The following ENOSF1 variants were observed in gnomAD, a reference collection of about 807,000 sequenced individuals.
ENOSF1 encodes the protein mitochondrial enolase superfamily member 1.
In ENOSF1, 73 loss-of-function variants were observed where a neutral mutation model predicts 68.2. The observed-to-expected ratio is 1.07, with a 90% CI of 0.89 to 1.30. The LOEUF is 1.30. Among genes scored for constraint, ENOSF1 ranks in the 50% most tolerant of loss-of-function variants. ENOSF1 has a pLI of 0.00. For missense variants in ENOSF1, 589 were observed against 554.5 expected (o/e 1.06, Z -0.62); for synonymous variants, 223 against 210.4 (o/e 1.06, Z -0.52).
Position 691,247 on chromosome 18 carries a change from A to G in ENOSF1, c.453T>C (p.Asp151=). 6.2e-7 allele frequency: 1 copy of G among 1,614,184 alleles called. No homozygotes were observed. Among genetic ancestry groups the G allele is most frequent in the Non-Finnish European group, 8.5e-7 (1 of 1,180,008 alleles). Residue 151 remains aspartate (D), a synonymous_variant, in exon 6 of 16, where the codon GAT becomes GAC. Coordinates refer to ENST00000647584, the MANE Select transcript of ENOSF1 (RefSeq NM_017512.7). ...TCAGGACATCAGTGATGTACCTGAA[A>G]TCTATGCAGGATACCAGCATCCTGG... ...MDPRMLVSCI[D]FRYITDVLTE...
chr18:667,752 G>GGTAA (rs1233057915), downstream of ENOSF1: 4 of 152,198 alleles, frequency 2.6e-5, no homozygotes, highest in Non-Finnish European at 4.4e-5. Flanking sequence ...TACTTGTGCA[G>GGTAA]GTAAGTGTTC....
At chr18:704,652 C>A (rs2078742060) in intron 2 of ENOSF1, among the ~76,000 whole-genome samples, 1 of 142,518 alleles carries the variant, frequency 7.0e-6, no homozygotes, top group South Asian at 2.3e-4. Context: ...TTCACCCAGG[C>A]TGGAGTGCAG....
chr18:681,065 T>C lies in ENOSF1; in HGVS notation c.876+2181A>G, dbSNP rs1008888791. ...TTAGTAGAGACGAGGTTTCACCATGTTGGCCAGGCTGGTCTCAAACTCCTG... is the reference window on the plus strand; with the variant it reads ...TTAGTAGAGACGAGGTTTCACCATGCTGGCCAGGCTGGTCTCAAACTCCTG... On this transcript the variant is annotated intron_variant, in intron 11 of 15. Transcript: ENST00000647584. Among the ~76,000 whole-genome samples, 3 of 152,292 alleles carry C rather than the reference T, an allele frequency of 2.0e-5. No individual in the cohort carries two copies. The East Asian group carries it at 5.8e-4, about 29-fold the overall frequency.
chr18:701,145 T>A (rs980538334), intron 2 of ENOSF1, among the ~76,000 whole-genome samples: 1 of 152,170 alleles, frequency 6.6e-6, no homozygotes, highest in South Asian at 2.1e-4. Context: ...GCTGGATTTT[T>A]AAAAATTTTG....
intron 1 of ENOSF1, among the ~76,000 whole-genome samples, chr18:710,840 T>C (rs1232297575): frequency 1.3e-5 from 2 of 152,250 alleles, no homozygotes; most frequent in African/African-American, 4.8e-5. Flanking sequence ...GCAAAGGCAG[T>C]TGCATGAGAT....
At chr18:712,222 G>T in intron 1 of ENOSF1, 2 of 1,482,672 alleles carry the variant, frequency 1.3e-6, no homozygotes, top group Non-Finnish European at 9.1e-7. Flanking sequence ...ATTGCTCCAA[G>T]GCATGAAAAG....
chr18:712,291 A>G, intron 1 of ENOSF1: 2 of 1,526,572 alleles, frequency 1.3e-6, no homozygotes, highest in Non-Finnish European at 8.7e-7. Context: ...CGAAGTCGGG[A>G]AGCTGCCCGG....
intron 8 of ENOSF1, 86 bp downstream of exon 8, chr18:690,463 C>T: frequency 1.4e-6 from 2 of 1,445,240 alleles, no homozygotes; most frequent in Non-Finnish European, 9.7e-7. Context: ...AAGTGAGGTA[C>T]TGAGAGTAGT....
chr18:679,470 A>T (rs1598548372), intron 11 of ENOSF1, among the ~76,000 whole-genome samples: 1 of 151,636 alleles, frequency 6.6e-6, no homozygotes, highest in African/African-American at 2.4e-5. Context: ...CGGCCTCCCA[A>T]AGTGTTGGGA....
At chr18:690,838 C>T in intron 7 of ENOSF1, 1 of 1,424,884 alleles carries the variant, frequency 7.0e-7, no homozygotes, top group Non-Finnish European at 9.3e-7. Flanking sequence ...CAGGGCTCTC[C>T]CTACAGTGTA....
At chr18:667,388 TGATGGA>T (rs1372827062), downstream of ENOSF1, among the ~76,000 whole-genome samples, 7 of 15,496 alleles carry the variant, frequency 4.5e-4, 1 homozygote, top group Non-Finnish European at 6.1e-4. Context: ...ATGGTGATGG[TGATGGA>T]GATGGTGATG....
At chr18:668,855 C>T (rs2144333376), downstream of ENOSF1, among the ~76,000 whole-genome samples, 1 of 152,180 alleles carries the variant, frequency 6.6e-6, no homozygotes, top group African/African-American at 2.4e-5. Context: ...AGGAAAAAGA[C>T]TTTGTTAGGG....
chr18:670,130 A>G (rs35914751), downstream of ENOSF1, among the ~76,000 whole-genome samples: 1 of 148,908 alleles, frequency 6.7e-6, no homozygotes, highest in African/African-American at 2.5e-5. Context: ...GGCAACCTCC[A>G]TCTCCCAGGT....
downstream of ENOSF1, chr18:668,989 C>A: frequency 8.6e-7 from 1 of 1,159,798 alleles, no homozygotes; most frequent in Non-Finnish European, 1.3e-6. Flanking sequence ...GGGTAAGAGA[C>A]TGTAATAGAT....
At position 688,601 on chromosome 18, in the gene ENOSF1, GCA is replaced by G; in HGVS notation, c.624_625del (p.Ala209ProfsTer11). On this transcript the variant is annotated frameshift_variant, in exon 9 of 16. Coordinates refer to ENST00000647584, the MANE Select transcript of ENOSF1 (RefSeq NM_017512.7). LOFTEE classifies it high-confidence loss of function. ...GGTCCAGCCATCCTTCAGCGCCTGG[GCA>G]CAGAGCTGTGGGAAAGGAGCACAGG... The G allele has an allele frequency of 6.2e-7, 1 of 1,614,030 alleles. No individual in the cohort carries two copies. The highest frequency in any genetic ancestry group is 1.1e-5 in the South Asian group (1 of 91,080).
intron 2 of ENOSF1, among the ~76,000 whole-genome samples, chr18:704,004 T>C (rs1482242802): frequency 2.0e-5 from 3 of 152,134 alleles, no homozygotes; most frequent in African/African-American, 4.8e-5. Flanking sequence ...TCTACCATGA[T>C]TGTAAGTGTC....
chr18:697,005 T>C (rs984945415), intron 3 of ENOSF1, among the ~76,000 whole-genome samples: 1 of 152,000 alleles, frequency 6.6e-6, no homozygotes, highest in Non-Finnish European at 1.5e-5. Context: ...TAGTCCCAGC[T>C]ACTCAGGAGG....
Position 691,082 on chromosome 18 carries a change from C to A in ENOSF1, c.521G>T (p.Gly174Val), listed in dbSNP as rs2077109870. 1 of 1,614,052 alleles carries A rather than the reference C, an allele frequency of 6.2e-7. No individual in the cohort carries two copies. The highest frequency in any genetic ancestry group is 8.5e-7 in the Non-Finnish European group (1 of 1,180,028). Residue 174 changes from glycine to valine, a missense_variant, in exon 7 of 16, where the codon GGT (glycine) becomes GTT (valine). Physicochemically the swap from Gly to Val is moderately radical, Grantham distance 109 (BLOSUM62 -3). Coordinates refer to ENST00000647584, the MANE Select transcript of ENOSF1 (RefSeq NM_017512.7). ...TTACAACCCACCTCTTTCTTTTTTACCAATTTGACCTTTCTGCAGTATTTC... is the reference window on the plus strand; with the variant it reads ...TTACAACCCACCTCTTTCTTTTTTAACAATTTGACCTTTCTGCAGTATTTC... The part of the protein sequence containing the change: ...ALEILQKGQI[G>V]KKEREKQMLA...
chr18:698,820 C>T lies in ENOSF1; in HGVS notation c.194-1465G>A, dbSNP rs984550895. On this transcript the variant is annotated intron_variant, in intron 2 of 15. Coordinates refer to ENST00000647584, the MANE Select transcript of ENOSF1 (RefSeq NM_017512.7). Reference sequence around the variant, plus strand: ...TATTTTTGGTAGAGACAGGGTTTCACCATGCTTCCCAGGCTGGTCTCGAGC... The same window carrying T: ...TATTTTTGGTAGAGACAGGGTTTCATCATGCTTCCCAGGCTGGTCTCGAGC... Among the ~76,000 whole-genome samples, 5 of 152,076 alleles carry T rather than the reference C, an allele frequency of 3.3e-5. No homozygotes were observed. In the East Asian group the frequency reaches 9.7e-4, roughly 29 times the overall value.
Sources: gnomAD v4.1 joint callset for allele counts (sites outside exome capture counted in the v4.1 genomes callset) on GRCh38, gnomAD v4.1.1 for gene constraint, MANE v1.5 for transcripts, NCBI Gene and HGNC (gene_info 2026-07-23, HGNC 2026-07-21) for gene names.